The following PDE11A variants were observed in gnomAD, a reference collection of about 807,000 sequenced individuals.
The protein encoded by PDE11A is dual 3',5'-cyclic-AMP and -GMP phosphodiesterase 11A.
PDE11A carries 100 observed loss-of-function variants against 100.5 expected under a neutral mutation model. The observed-to-expected ratio is 1.00, with a 90% CI of 0.85 to 1.18. The LOEUF is 1.18. Among genes scored for constraint, PDE11A ranks in the 50% most tolerant of loss-of-function variants. PDE11A has a pLI of 0.00. For missense variants in PDE11A, 1,141 were observed against 1,152.6 expected, an observed-to-expected ratio of 0.99 and a Z score of 0.15; for synonymous variants, 381 against 420.8, an observed-to-expected ratio of 0.91 and a Z score of 1.16.
intron 2 of PDE11A, among the ~76,000 whole-genome samples, chr2:177,961,298 T>A (rs2085629337): frequency 6.6e-6 from 1 of 152,038 alleles, no homozygotes; most frequent in African/African-American, 2.4e-5. Context: ...ACCTAAGGCA[T>A]GAAGCTCACC....
chr2:177,750,280 A>T lies in PDE11A; in HGVS notation c.1788+19043T>A, dbSNP rs151311117. Among the ~76,000 whole-genome samples, 196 of 152,320 alleles carry T rather than the reference A, an allele frequency of 1.3e-3. 1 individual carries two copies. Among genetic ancestry groups the T allele is most frequent in the African/African-American group, 4.4e-3 (183 of 41,560 alleles). On this transcript the variant is annotated intron_variant, in intron 10 of 19. Transcript: ENST00000286063. ...CAATTTATAACTCAAAACAGCAACAAATTTTCTTTTCAGGGTGGAAATACT... is the reference window on the plus strand; with the variant it reads ...CAATTTATAACTCAAAACAGCAACATATTTTCTTTTCAGGGTGGAAATACT...
Position 177,627,850 on chromosome 2 carries a change from A to AAAAC in PDE11A, c.*1553_*1556dup, listed in dbSNP as rs970718069. The AAAAC allele has an allele frequency of 2.6e-4, 40 of 152,274 alleles. No homozygotes were observed. Among genetic ancestry groups the AAAAC allele is most frequent in the African/African-American group, 9.2e-4 (38 of 41,458 alleles). 9.4% of individuals were successfully genotyped at this position (152,274 alleles called of 1,614,324 possible). Reference sequence around the variant, plus strand: ...AACAAGAGTGAAAACTCAGTCTCAAAAAACAAACAAACAAAGAAACAAAAA... The same window carrying AAAAC: ...AACAAGAGTGAAAACTCAGTCTCAAAAAACAAACAAACAAACAAAGAAACAAAAA... On this transcript the variant is annotated 3_prime_UTR_variant, in exon 20 of 20. Transcript: ENST00000286063.
chr2:177,799,490 C>T (rs1054112447), intron 9 of PDE11A, among the ~76,000 whole-genome samples: 4 of 152,124 alleles, frequency 2.6e-5, no homozygotes, highest in Non-Finnish European at 4.4e-5. Flanking sequence ...TGATACCTCA[C>T]GGCTGATTCT....
chr2:177,721,327 G>A (rs2081522953), intron 12 of PDE11A, among the ~76,000 whole-genome samples: 1 of 152,044 alleles, frequency 6.6e-6, no homozygotes, highest in African/African-American at 2.4e-5. Context: ...CAAACCTCTG[G>A]TATCTGTCAA....
At chr2:178,083,999 A>C (rs2087319101) in intron 2 of PDE11A, among the ~76,000 whole-genome samples, 1 of 152,232 alleles carries the variant, frequency 6.6e-6, no homozygotes, top group Non-Finnish European at 1.5e-5. Flanking sequence ...AGCTATATAG[A>C]TACGTTCATA....
intron 12 of PDE11A, among the ~76,000 whole-genome samples, chr2:177,719,509 T>C (rs994838134): frequency 6.6e-6 from 1 of 152,114 alleles, no homozygotes; most frequent in Non-Finnish European, 1.5e-5. Flanking sequence ...CTCACTCTTT[T>C]GGAAAAGAAG....
intron 1 of PDE11A, among the ~76,000 whole-genome samples, chr2:178,034,233 C>G (rs556730324): frequency 6.6e-6 from 1 of 152,138 alleles, no homozygotes; most frequent in South Asian, 2.1e-4. Context: ...AAAAAGAAAG[C>G]AGGGGTTGCA....
chr2:178,024,101 C>A (rs1266790147), intron 1 of PDE11A, among the ~76,000 whole-genome samples: 1 of 152,104 alleles, frequency 6.6e-6, no homozygotes, highest in African/African-American at 2.4e-5. Context: ...TTAAGAACCA[C>A]TGAATTAGAG....
At chr2:177,840,963 A>AT (rs2083482336) in intron 5 of PDE11A, among the ~76,000 whole-genome samples, 1 of 152,200 alleles carries the variant, frequency 6.6e-6, no homozygotes, top group South Asian at 2.1e-4. Context: ...TATTTTGGTA[A>AT]TTTTAGATTA....
chr2:177,733,784 C>T (rs760544474), intron 10 of PDE11A, among the ~76,000 whole-genome samples: 4 of 152,174 alleles, frequency 2.6e-5, no homozygotes, highest in Non-Finnish European at 4.4e-5. Flanking sequence ...ATAATTATAG[C>T]CCTTATTATG....
At chr2:177,678,928 A>G (rs2080819092) in intron 16 of PDE11A, among the ~76,000 whole-genome samples, 1 of 151,952 alleles carries the variant, frequency 6.6e-6, no homozygotes, top group Non-Finnish European at 1.5e-5. Flanking sequence ...CTGAGGAAAA[A>G]GAGAAGAGAA....
intron 1 of PDE11A, among the ~76,000 whole-genome samples, chr2:178,036,287 G>C (rs1275516449): frequency 1.3e-5 from 2 of 152,084 alleles, no homozygotes; most frequent in South Asian, 2.1e-4. Context: ...GCTATAAAGA[G>C]AATAAAATAC....
At chr2:177,695,890 G>A (rs2081105138) in intron 15 of PDE11A, among the ~76,000 whole-genome samples, 1 of 152,132 alleles carries the variant, frequency 6.6e-6, no homozygotes, top group Non-Finnish European at 1.5e-5. Context: ...AAAGCGAATG[G>A]CACAAGACTT....
intron 6 of PDE11A, among the ~76,000 whole-genome samples, chr2:177,830,337 C>A (rs1001968488): frequency 1.3e-5 from 2 of 152,010 alleles, no homozygotes; most frequent in Non-Finnish European, 2.9e-5. Flanking sequence ...CGGTAGCTCA[C>A]GCCTGTAATC....
At chr2:177,824,066 C>A (rs2083189029) in intron 6 of PDE11A, among the ~76,000 whole-genome samples, 1 of 152,080 alleles carries the variant, frequency 6.6e-6, no homozygotes, top group Non-Finnish European at 1.5e-5. Context: ...GTTTACCCAT[C>A]ACTTTTAAAG....
chr2:178,063,184 C>A (rs1030508017), intron 1 of PDE11A, among the ~76,000 whole-genome samples: 1 of 152,066 alleles, frequency 6.6e-6, no homozygotes, highest in African/African-American at 2.4e-5. Context: ...TCAATTGTAA[C>A]AAGAAATTTA....
At chr2:177,654,634 G>A (rs1240066255) in intron 19 of PDE11A, among the ~76,000 whole-genome samples, 1 of 152,194 alleles carries the variant, frequency 6.6e-6, no homozygotes, top group Non-Finnish European at 1.5e-5. Flanking sequence ...GTAAAAATGT[G>A]TTTGGATGTG....
At chr2:177,742,136 A>C (rs1218886227) in intron 10 of PDE11A, among the ~76,000 whole-genome samples, 5 of 152,132 alleles carry the variant, frequency 3.3e-5, no homozygotes, top group Non-Finnish European at 5.9e-5. Context: ...CCTCTTGTGA[A>C]GAGCTGGCAG....
intron 1 of PDE11A, among the ~76,000 whole-genome samples, chr2:178,032,843 C>T (rs112927732): frequency 2.0e-5 from 3 of 152,054 alleles, no homozygotes; most frequent in Non-Finnish European, 4.4e-5. Flanking sequence ...AAACAGAAAG[C>T]GATAACATCA....
Sources: allele counts gnomAD v4.1 joint callset (sites outside exome capture counted in the v4.1 genomes callset), GRCh38; gene constraint gnomAD v4.1.1; transcripts MANE v1.5; gene names NCBI Gene and HGNC (gene_info 2026-07-23, HGNC 2026-07-21).